The following PUM1 variants were observed in gnomAD, a reference collection of about 807,000 sequenced individuals.
PUM1 encodes pumilio RNA binding family member 1.
PUM1 carries 13 observed loss-of-function variants against 131.8 expected under a neutral mutation model. The observed-to-expected ratio is 0.10, with a 90% CI of 0.06 to 0.16. The LOEUF (loss-of-function observed/expected upper bound fraction) is 0.16. PUM1 is among the 10% of genes least tolerant of loss of function. The pLI, the probability that PUM1 is intolerant of heterozygous loss-of-function variation, is 1.00. For missense variants in PUM1, 961 were observed against 1,512.4 expected (o/e 0.64, Z 6.05); for synonymous variants, 509 against 556.5 (o/e 0.91, Z 1.20).
At chr1:31,017,942 TGTA>T (rs1642881597) in intron 3 of PUM1, among the ~76,000 whole-genome samples, 1 of 152,138 alleles carries the variant, frequency 6.6e-6, no homozygotes, top group Admixed American at 6.5e-5. Flanking sequence ...AAGAGGCCAA[TGTA>T]GTAATCCAGA....
intron 2 of PUM1, among the ~76,000 whole-genome samples, chr1:31,037,652 G>A (rs1032737408): frequency 3.3e-5 from 5 of 151,652 alleles, no homozygotes; most frequent in African/African-American, 7.3e-5. Flanking sequence ...CCAAGGAAGC[G>A]GCCAAGATTG....
At chr1:31,034,171 G>T (rs1643529116) in intron 2 of PUM1, among the ~76,000 whole-genome samples, 1 of 152,160 alleles carries the variant, frequency 6.6e-6, no homozygotes, top group Non-Finnish European at 1.5e-5. Flanking sequence ...TTCTGGTTCA[G>T]TTCTTGTACT....
chr1:31,001,763 G>C lies in PUM1; in HGVS notation c.720+4090C>G, dbSNP rs1398662410. On this transcript the variant is annotated intron_variant, in intron 5 of 21. Transcript: ENST00000426105. ...GCCCTCACCAGCCCTCCCCACCAAGGCTTAAAAATTGCTAGACATACTATG... is the reference window on the plus strand; with the variant it reads ...GCCCTCACCAGCCCTCCCCACCAAGCCTTAAAAATTGCTAGACATACTATG... Among the ~76,000 whole-genome samples, 3 of 151,988 alleles carry C rather than the reference G, an allele frequency of 2.0e-5. No individual in the cohort carries two copies. In the East Asian group the frequency reaches 5.8e-4, roughly 29 times the overall value.
intron 9 of PUM1, among the ~76,000 whole-genome samples, chr1:30,975,355 T>G (rs1166328419): frequency 1.3e-5 from 2 of 149,216 alleles, no homozygotes; most frequent in Non-Finnish European, 3.0e-5. Flanking sequence ...TTGTTTTTTT[T>G]GTTTTTTTGT....
At chr1:31,037,163 T>A (rs978968470) in intron 2 of PUM1, 5 of 153,218 alleles carry the variant, frequency 3.3e-5, no homozygotes, top group African/African-American at 1.2e-4. Flanking sequence ...GCATCAACTA[T>A]TCAGCAATAA....
intron 2 of PUM1, among the ~76,000 whole-genome samples, chr1:31,036,067 T>G (rs549680619): frequency 2.0e-5 from 3 of 151,864 alleles, no homozygotes; most frequent in Admixed American, 1.3e-4. Flanking sequence ...GAAATAGAAT[T>G]CAAACTCAAG....
intron 13 of PUM1, among the ~76,000 whole-genome samples, chr1:30,965,776 A>G (rs1640594165): frequency 6.6e-6 from 1 of 152,238 alleles, no homozygotes; most frequent in Non-Finnish European, 1.5e-5. Context: ...TGATTAAGTA[A>G]GTAGCCACAT....
At chr1:30,945,137 G>C (rs35143102) in intron 18 of PUM1, among the ~76,000 whole-genome samples, 2 of 152,156 alleles carry the variant, frequency 1.3e-5, no homozygotes, top group African/African-American at 2.4e-5. Context: ...GGGAGGCTGA[G>C]GGGGGAGGAT....
chr1:30,969,331 A>G lies in PUM1; in HGVS notation c.1507-839T>C, dbSNP rs942790846. On this transcript the variant is annotated intron_variant, in intron 10 of 21. Coordinates refer to ENST00000426105, the MANE Select transcript of PUM1 (RefSeq NM_001020658.2). Reference sequence around the variant, plus strand: ...AACACACACACAAAAAAAAAAAAAAAAAAAAGAAAAAAAAAGAGTATTAAT... The same window carrying G: ...AACACACACACAAAAAAAAAAAAAAGAAAAAGAAAAAAAAAGAGTATTAAT... Among the ~76,000 whole-genome samples, 219 of 148,158 alleles carry G rather than the reference A, an allele frequency of 1.5e-3. 1 individual carries two copies. The highest frequency in any genetic ancestry group is 4.7e-3 in the African/African-American group (190 of 40,510).
intron 20 of PUM1, among the ~76,000 whole-genome samples, chr1:30,938,268 T>G (rs1193867763): frequency 6.6e-6 from 1 of 152,172 alleles, no homozygotes; most frequent in African/African-American, 2.4e-5. Flanking sequence ...AAAAAATTTT[T>G]GTTTGAGACA....
intron 2 of PUM1, among the ~76,000 whole-genome samples, chr1:31,044,199 A>G (rs1643900723): frequency 6.6e-6 from 1 of 152,158 alleles, no homozygotes; most frequent in African/African-American, 2.4e-5. Flanking sequence ...CAGGAGATCG[A>G]GACCATCCTG....
intron 7 of PUM1, among the ~76,000 whole-genome samples, chr1:30,983,750 C>CGTGG (rs1448296504): frequency 6.8e-6 from 1 of 147,030 alleles, no homozygotes; most frequent in East Asian, 2.1e-4. Context: ...CATGTCACCA[C>CGTGG]GCCTGGCATT....
intron 17 of PUM1, 101 bp from the exon 18 acceptor site, chr1:30,945,584 T>C: frequency 7.9e-7 from 1 of 1,270,972 alleles, no homozygotes; most frequent in Non-Finnish European, 1.1e-6. Flanking sequence ...GAACAGAGAA[T>C]CTGTGATGAT....
intron 7 of PUM1, among the ~76,000 whole-genome samples, chr1:30,989,042 TATA>T (rs1156248255): frequency 6.6e-6 from 1 of 152,046 alleles, no homozygotes; most frequent in African/African-American, 2.4e-5. Flanking sequence ...AAAAACAAAC[TATA>T]ATAATTAAGT....
At chr1:31,006,873 A>G (rs1343610533) in intron 4 of PUM1, 121 bp downstream of exon 4, 9 of 690,874 alleles carry the variant, frequency 1.3e-5, no homozygotes, top group Non-Finnish European at 2.3e-5. Flanking sequence ...ATTATACTAC[A>G]GGAGAGGACA....
At chr1:30,939,730 C>A (rs1214559763) in intron 20 of PUM1, among the ~76,000 whole-genome samples, 1 of 152,150 alleles carries the variant, frequency 6.6e-6, no homozygotes, top group African/African-American at 2.4e-5. Flanking sequence ...TGGTGGTGTG[C>A]ACCTACAGTC....
intron 3 of PUM1, among the ~76,000 whole-genome samples, chr1:31,016,668 T>G (rs924298773): frequency 2.6e-5 from 4 of 152,196 alleles, no homozygotes. Context: ...TTCTTCATAT[T>G]TCTCTACTAG....
intron 18 of PUM1, among the ~76,000 whole-genome samples, chr1:30,943,709 A>T (rs1333302448): frequency 6.6e-6 from 1 of 152,206 alleles, no homozygotes; most frequent in Non-Finnish European, 1.5e-5. Flanking sequence ...TGAAGGTTGA[A>T]ATTTGAAAGA....
intron 1 of PUM1, 45 bp downstream of exon 1, chr1:31,065,571 G>T: frequency 6.5e-7 from 1 of 1,535,110 alleles, no homozygotes; most frequent in South Asian, 1.2e-5. Context: ...CTGCTCGTTA[G>T]GGGTCCGGAG....
Sources: allele counts gnomAD v4.1 joint callset (sites outside exome capture counted in the v4.1 genomes callset), GRCh38; gene constraint gnomAD v4.1.1; transcripts MANE v1.5; gene names NCBI Gene and HGNC (gene_info 2026-07-23, HGNC 2026-07-21).